Variants in MAP4K5 observed in about 807,000 individuals in gnomAD.
MAP4K5 encodes the protein MAPK/ERK kinase kinase kinase 5.
A neutral mutation model predicts 135.6 loss-of-function variants in MAP4K5; 82 were observed. The observed-to-expected ratio is 0.60, with a 90% CI of 0.51 to 0.73. The LOEUF (loss-of-function observed/expected upper bound fraction) is 0.73, where lower values mean the gene tolerates loss of function less well. Ranked by LOEUF, MAP4K5 falls within the 30% of genes least tolerant of loss-of-function variation. The pLI is 0.00. For missense variants in MAP4K5, 907 were observed against 1,010.9 expected, an observed-to-expected ratio of 0.90 and a Z score of 1.39; for synonymous variants, 347 against 335.0, an observed-to-expected ratio of 1.04 and a Z score of -0.39.
intron 2 of MAP4K5, among the ~76,000 whole-genome samples, chr14:50,518,643 C>A (rs1287599299): frequency 6.6e-6 from 1 of 152,194 alleles, no homozygotes; most frequent in East Asian, 1.9e-4. Flanking sequence ...AGCCTAAAGC[C>A]TTCCCTTAGA....
chr14:50,425,315 G>C (rs1326042044), intron 31 of MAP4K5, among the ~76,000 whole-genome samples: 1 of 152,170 alleles, frequency 6.6e-6, no homozygotes, highest in Admixed American at 6.5e-5. Context: ...CTCTGGGCAA[G>C]TTACTTAACC....
At chr14:50,437,572 G>C (rs779462311) in intron 25 of MAP4K5, 38 bp from the exon 26 acceptor site, 7 of 1,354,376 alleles carry the variant, frequency 5.2e-6, no homozygotes, top group Non-Finnish European at 5.1e-6. Flanking sequence ...CTCTACAGTA[G>C]TGGTTACAAC....
chr14:50,431,473 A>G (rs531555181), intron 28 of MAP4K5, among the ~76,000 whole-genome samples: 4 of 152,058 alleles, frequency 2.6e-5, no homozygotes, highest in South Asian at 4.2e-4. Context: ...TCATTGTTCA[A>G]TTCCCACCTA....
At chr14:50,428,606 G>T (rs927550594) in intron 30 of MAP4K5, 56 bp downstream of exon 30, 2 of 991,970 alleles carry the variant, frequency 2.0e-6, no homozygotes, top group South Asian at 1.6e-5. Flanking sequence ...AGTACAGAAT[G>T]AATTTTAATA....
At position 50,456,706 on chromosome 14, in the gene MAP4K5, G is replaced by A. The variant is rs547670464; in HGVS notation, c.937-112C>T. On this transcript the variant is annotated intron_variant, in intron 13 of 32. Coordinates refer to ENST00000682126, the MANE Select transcript of MAP4K5 (RefSeq NM_006575.6). The stretch of plus-strand genomic sequence containing the variant: ...TATGAATATCTACTAGTAAATTATA[G>A]GATAAACATAAAACAAATACAATGA... The A allele has an allele frequency of 4.4e-4, 294 of 674,636 alleles. 2 individuals are homozygous for A. The highest frequency in any genetic ancestry group is 2.1e-4 in the Non-Finnish European group (87 of 405,630). 41.8% of individuals were successfully genotyped at this position (674,636 alleles called of 1,614,324 possible).
intron 11 of MAP4K5, 50 bp from the exon 12 acceptor site, chr14:50,464,183 G>T: frequency 3.4e-6 from 3 of 886,216 alleles, no homozygotes; most frequent in Non-Finnish European, 1.8e-6. Context: ...ATTACGTTTC[G>T]GTGTTAGTAA....
chr14:50,523,136 A>G (rs1034062797), intron 2 of MAP4K5, among the ~76,000 whole-genome samples: 1 of 152,034 alleles, frequency 6.6e-6, no homozygotes, highest in African/African-American at 2.4e-5. Context: ...ACATGGAGAC[A>G]TCCCATCTCT....
Position 50,485,614 on chromosome 14 carries a change from A to G in MAP4K5, c.286T>C (p.Tyr96His). 6.4e-7 allele frequency: 1 copy of G among 1,550,980 alleles called. No homozygotes were observed. Among genetic ancestry groups the G allele is most frequent in the Non-Finnish European group, 8.7e-7 (1 of 1,144,414 alleles). The change falls in exon 5 of 33, where the codon TAC becomes CAC. Residue 96 changes from tyrosine to histidine, a missense_variant. This residue lies in a region of MAP4K5 where 196 missense variants were observed against 189.3 expected (regional missense o/e 1.04). Transcript: ENST00000682126. ...TCTTGAAGTGATCCGCCACCACAGT[A>G]TTCCATACAAATCCATAGTTTTTCC... Reference protein sequence around the residue: ...SREKLWICMEYCGGGSLQDIY... With the variant: ...SREKLWICMEHCGGGSLQDIY...
At chr14:50,507,586 T>G (rs2037837845) in intron 2 of MAP4K5, among the ~76,000 whole-genome samples, 3 of 152,234 alleles carry the variant, frequency 2.0e-5, no homozygotes, top group African/African-American at 4.8e-5. Flanking sequence ...TCTTTATTTC[T>G]GCCTTCATTT....
chr14:50,467,105 A>G (rs1208461429), intron 10 of MAP4K5, among the ~76,000 whole-genome samples: 1 of 152,064 alleles, frequency 6.6e-6, no homozygotes, highest in African/African-American at 2.4e-5. Context: ...TTTTTGGACA[A>G]TGATTTCCCA....
chr14:50,466,565 A>G lies in MAP4K5; in HGVS notation c.737+18T>C, dbSNP rs1484973659. On this transcript the variant is annotated intron_variant, in intron 11 of 32. Coordinates refer to ENST00000682126, the MANE Select transcript of MAP4K5 (RefSeq NM_006575.6). ...TTCGATTGTAAAATTCTATAAAACT[A>G]TATATTCTTTAACTCACCATTTTGT... 2.4e-6 allele frequency: 3 copies of G among 1,238,108 alleles called. No individual in the cohort carries two copies. Among genetic ancestry groups the G allele is most frequent in the East Asian group, 2.5e-5 (1 of 39,318 alleles). 76.7% of individuals were successfully genotyped at this position (1,238,108 alleles called of 1,614,324 possible).
intron 1 of MAP4K5, chr14:50,560,548 C>T: frequency 3.6e-6 from 2 of 548,390 alleles, no homozygotes; most frequent in Non-Finnish European, 3.3e-6. Flanking sequence ...TCCTTCTTCC[C>T]CACCCCCCTC....
At chr14:50,470,777 T>C (rs533859044) in intron 9 of MAP4K5, among the ~76,000 whole-genome samples, 2 of 152,216 alleles carry the variant, frequency 1.3e-5, no homozygotes, top group East Asian at 3.9e-4. Flanking sequence ...AGCATATTAT[T>C]CCACTGAATT....
Position 50,462,907 on chromosome 14 carries a change from T to C in MAP4K5, c.820-126A>G, listed in dbSNP as rs926226786. The stretch of plus-strand genomic sequence containing the variant: ...GTATATGGGAGTCTACTAACACAAA[T>C]AAACTGTGTTAGTAAAAATATTAAT... On this transcript the variant is annotated intron_variant, in intron 12 of 32. Transcript: ENST00000682126. 2.6e-4 allele frequency: 151 copies of C among 579,804 alleles called. No homozygotes were observed. In the African/African-American group the frequency reaches 2.8e-3, roughly 11 times the overall value. 35.9% of individuals were successfully genotyped at this position (579,804 alleles called of 1,614,324 possible). A position where few individuals can be genotyped will look rare whatever the true frequency, so the allele number is the denominator to read the frequency against.
intron 20 of MAP4K5, 34 bp from the exon 21 acceptor site, chr14:50,442,850 G>A (rs769473105): frequency 2.4e-6 from 3 of 1,275,798 alleles, no homozygotes; most frequent in South Asian, 1.4e-5. Flanking sequence ...TAACTTATTT[G>A]ATTAGAAAAT....
rs2036187694 is a variant in MAP4K5 at position 50,439,921 on chromosome 14, T to C, written c.1705+92A>G. On this transcript the variant is annotated intron_variant, in intron 23 of 32. Transcript: ENST00000682126. ...GAGTTACTATATTAGATTATAGTCA[T>C]CCAGAATTACAAATAACATTTAAAA... 7.3e-6 allele frequency: 9 copies of C among 1,228,230 alleles called. No homozygotes were observed. In the East Asian group the frequency reaches 2.3e-4, roughly 31 times the overall value. 76.1% of individuals were successfully genotyped at this position (1,228,230 alleles called of 1,614,324 possible).
chr14:50,529,244 A>T (rs922623444), intron 2 of MAP4K5, among the ~76,000 whole-genome samples: 5 of 152,186 alleles, frequency 3.3e-5, no homozygotes, highest in African/African-American at 1.2e-4. Context: ...AAAATTAGCC[A>T]GACATGGTGG....
intron 2 of MAP4K5, among the ~76,000 whole-genome samples, chr14:50,518,558 C>G (rs2140079691): frequency 6.6e-6 from 1 of 152,318 alleles, no homozygotes; most frequent in South Asian, 2.1e-4. Context: ...TTATACAGGT[C>G]TGGACAGGTG....
At chr14:50,443,688 G>C (rs1304754088) in intron 20 of MAP4K5, 41 bp downstream of exon 20, 1 of 1,533,880 alleles carries the variant, frequency 6.5e-7, no homozygotes, top group Admixed American at 2.3e-5. Context: ...CTTCTAAAGA[G>C]AGAAAAAACG....
Sources: allele counts gnomAD v4.1 joint callset (sites outside exome capture counted in the v4.1 genomes callset), GRCh38; gene constraint gnomAD v4.1.1; regional missense constraint gnomAD v4.1.1; transcripts MANE v1.5; gene names NCBI Gene and HGNC (gene_info 2026-07-23, HGNC 2026-07-21).